The following PIWIL2 variants were observed in gnomAD, a reference collection of about 807,000 sequenced individuals.
The protein encoded by PIWIL2 is piwi-like protein 2.
PIWIL2 carries 81 observed loss-of-function variants against 116.5 expected under a neutral mutation model. The ratio of observed to expected loss-of-function variants is 0.70; its 90% CI spans 0.58 to 0.84. PIWIL2 has a LOEUF of 0.84. Ranked by LOEUF, PIWIL2 falls within the 40% of genes least tolerant of loss-of-function variation. PIWIL2 has a pLI of 0.00. For missense variants in PIWIL2, 1,272 were observed against 1,212.3 expected (o/e 1.05, Z -0.73); for synonymous variants, 489 against 429.5 (o/e 1.14, Z -1.71).
In PIWIL2 at chr8:22,314,394, A is replaced by AT; in HGVS notation, c.2056_2057insT (p.Lys686IlefsTer37). The stretch of plus-strand genomic sequence containing the variant: ...TGATGATCTCTATGGGGCCATCAAG[A>AT]AGCTGTGCTGTGTGCAGTCCCCAGT... On this transcript the variant is annotated frameshift_variant, in exon 17 of 23. Coordinates refer to ENST00000356766, the MANE Select transcript of PIWIL2 (RefSeq NM_018068.5). LOFTEE classifies it high-confidence loss of function. 1.3e-6 allele frequency: 2 copies of AT among 1,587,254 alleles called. No homozygotes were observed. Among genetic ancestry groups the AT allele is most frequent in the Non-Finnish European group, 1.7e-6 (2 of 1,165,298 alleles).
chr8:22,310,604 G>C (rs1225371400), intron 15 of PIWIL2, among the ~76,000 whole-genome samples: 2 of 151,338 alleles, frequency 1.3e-5, no homozygotes, highest in African/African-American at 2.4e-5. Flanking sequence ...ACTTATAAAC[G>C]TGTAACTTGA....
At chr8:22,303,458 C>T (rs1319181615) in intron 10 of PIWIL2, among the ~76,000 whole-genome samples, 1 of 152,136 alleles carries the variant, frequency 6.6e-6, no homozygotes, top group Non-Finnish European at 1.5e-5. Flanking sequence ...GTGATGCTAT[C>T]ATAGCTCACT....
At chr8:22,346,558 A>G (rs1337855168) in intron 20 of PIWIL2, among the ~76,000 whole-genome samples, 1 of 152,184 alleles carries the variant, frequency 6.6e-6, no homozygotes, top group Admixed American at 6.5e-5. Context: ...TCTTAAGCTC[A>G]CATGTGATTT....
chr8:22,332,996 A>G (rs571202740), intron 20 of PIWIL2, among the ~76,000 whole-genome samples: 5 of 152,276 alleles, frequency 3.3e-5, no homozygotes, highest in African/African-American at 9.6e-5. Flanking sequence ...GTCTGTGCAT[A>G]TAATTTGAAA....
At chr8:22,320,216 C>T (rs1831563950) in intron 20 of PIWIL2, among the ~76,000 whole-genome samples, 1 of 151,190 alleles carries the variant, frequency 6.6e-6, no homozygotes, top group Non-Finnish European at 1.5e-5. Context: ...GCTTCTCAGC[C>T]TCCCAAAGTG....
intron 1 of PIWIL2, among the ~76,000 whole-genome samples, chr8:22,278,790 T>C (rs1008398210): frequency 4.6e-5 from 7 of 152,160 alleles, no homozygotes; most frequent in Non-Finnish European, 7.3e-5. Context: ...TCCTGTCGGA[T>C]CACTGGTGGC....
intron 22 of PIWIL2, 27 bp downstream of exon 22, chr8:22,354,405 CTCTT>C: frequency 7.0e-7 from 1 of 1,428,146 alleles, no homozygotes; most frequent in South Asian, 1.1e-5. Context: ...CTTACTCTTT[CTCTT>C]TCTTAAATAA....
chr8:22,337,393 A>G (rs1320030129), intron 20 of PIWIL2, among the ~76,000 whole-genome samples: 1 of 152,180 alleles, frequency 6.6e-6, no homozygotes, highest in Non-Finnish European at 1.5e-5. Context: ...AAAACAATTT[A>G]TGATTGCATA....
chr8:22,333,165 AAG>A (rs1174981731), intron 20 of PIWIL2, among the ~76,000 whole-genome samples: 3 of 152,080 alleles, frequency 2.0e-5, no homozygotes, highest in Non-Finnish European at 4.4e-5. Flanking sequence ...GGAAGAATAA[AAG>A]AGTGTATAAC....
intron 20 of PIWIL2, among the ~76,000 whole-genome samples, chr8:22,339,265 T>C (rs1364067759): frequency 3.3e-5 from 5 of 152,090 alleles, no homozygotes; most frequent in Non-Finnish European, 7.4e-5. Context: ...CCCAGCACTT[T>C]GGGAGGCCGA....
chr8:22,294,899 G>GAAAAAAAA lies in PIWIL2; in HGVS notation c.1181+4553_1181+4554insAAAAAAAA, dbSNP rs375806332. The stretch of plus-strand genomic sequence containing the variant: ...AACATGGTGAAATCCCATCTTTACT[G>GAAAAAAAA]GAAAAAAAAAAAAAAAAAAAAAAAA... On this transcript the variant is annotated intron_variant, in intron 10 of 22. Transcript: ENST00000356766. Among the ~76,000 whole-genome samples the GAAAAAAAA allele has an allele frequency of 1.5e-4, 12 of 79,448 alleles. 2 individuals carry two copies. The highest frequency in any genetic ancestry group is 1.9e-4 in the Non-Finnish European group (9 of 47,112). 52.1% of individuals were successfully genotyped at this position (79,448 alleles called of 152,430 possible).
At position 22,283,004 on chromosome 8, in the gene PIWIL2, C is replaced by T. The variant is rs772751346; in HGVS notation, c.426-30C>T. The T allele has an allele frequency of 2.6e-6, 4 of 1,563,854 alleles. No homozygotes were observed. The South Asian group carries it at 4.4e-5, about 17-fold the overall frequency. ...GATGGGACATAGCTATTATAAAAAA[C>T]CCTGATTTGCCTCTCTCTCCACATT... On this transcript the variant is annotated intron_variant, in intron 4 of 22. Transcript: ENST00000356766.
chr8:22,334,099 G>C (rs1262824477), intron 20 of PIWIL2, among the ~76,000 whole-genome samples: 2 of 151,370 alleles, frequency 1.3e-5, no homozygotes, highest in Non-Finnish European at 2.9e-5. Context: ...TCAGCCTCCT[G>C]AGTAGCTTGG....
rs777424281 is a variant in PIWIL2 at position 22,308,038 on chromosome 8, C to G, written c.1651C>G (p.Arg551Gly). Reference sequence around the variant, plus strand: ...CGAGGCAGCCACCAATGAACTGATGCGTTGGGGGCTCCGTCTGCAAAAGGA... The same window carrying G: ...CGAGGCAGCCACCAATGAACTGATGGGTTGGGGGCTCCGTCTGCAAAAGGA... ...KNEAATNELM[R>G]WGLRLQKDVH... Residue 551 changes from arginine (R) to glycine (G), a missense_variant, in exon 14 of 23, where the codon CGT becomes GGT. Coordinates refer to ENST00000356766, the MANE Select transcript of PIWIL2 (RefSeq NM_018068.5). The G allele has an allele frequency of 5.0e-6, 8 of 1,613,754 alleles. No individual in the cohort carries two copies. Among genetic ancestry groups the G allele is most frequent in the African/African-American group, 1.3e-5 (1 of 74,902 alleles).
rs770974650 is a variant in PIWIL2, at chr8:22,310,081, G to T, written c.1800+7G>T. 10 of 1,429,028 alleles carry T rather than the reference G, an allele frequency of 7.0e-6. No individual in the cohort carries two copies. The highest frequency in any genetic ancestry group is 9.9e-6 in the Non-Finnish European group (10 of 1,011,614). 88.5% of individuals were successfully genotyped at this position (1,429,028 alleles called of 1,614,324 possible). ...AGACCCTTCCATCTTGACTGTAAGTGATTTTTGAAGTGATAAAGAGAGGAC... is the reference window on the plus strand; with the variant it reads ...AGACCCTTCCATCTTGACTGTAAGTTATTTTTGAAGTGATAAAGAGAGGAC... On this transcript the variant is annotated splice_region_variant and intron_variant, in intron 15 of 22. Coordinates refer to ENST00000356766, the MANE Select transcript of PIWIL2 (RefSeq NM_018068.5).
intron 14 of PIWIL2, among the ~76,000 whole-genome samples, chr8:22,308,327 A>T (rs73225901): frequency 0.032 from 4,784 of 151,822 alleles, 117 homozygotes; most frequent in African/African-American, 0.068. Flanking sequence ...ATCCTTTTAC[A>T]TTCAAATTGA....
intron 10 of PIWIL2, among the ~76,000 whole-genome samples, chr8:22,296,214 C>T (rs1830903093): frequency 1.3e-5 from 2 of 151,950 alleles, no homozygotes; most frequent in African/African-American, 4.8e-5. Flanking sequence ...CGCCACCACG[C>T]CCAGCTAATT....
Position 22,283,021 on chromosome 8 carries a change from C to G in PIWIL2, c.426-13C>G, listed in dbSNP as rs905072218. 6.2e-7 allele frequency: 1 copy of G among 1,608,240 alleles called. No homozygotes were observed. Among genetic ancestry groups the G allele is most frequent in the South Asian group, 1.1e-5 (1 of 90,944 alleles). ...ATAAAAAACCCTGATTTGCCTCTCT[C>G]TCCACATTTCAGGACGCTTGGAAGA... On this transcript the variant is annotated splice_polypyrimidine_tract_variant and intron_variant, in intron 4 of 22. Transcript: ENST00000356766.
At chr8:22,311,027 A>G (rs1831316225) in intron 15 of PIWIL2, 85 bp from the exon 16 acceptor site, 7 of 1,164,392 alleles carry the variant, frequency 6.0e-6, no homozygotes, top group Admixed American at 2.3e-5. Flanking sequence ...AGTGAAAAGT[A>G]ATTTATTCTC....
Sources: gnomAD v4.1 joint callset for allele counts (sites outside exome capture counted in the v4.1 genomes callset) on GRCh38, gnomAD v4.1.1 for gene constraint, MANE v1.5 for transcripts, NCBI Gene and HGNC (gene_info 2026-07-23, HGNC 2026-07-21) for gene names.